Variants in PCDH15 observed in about 807,000 individuals in gnomAD.
The protein encoded by PCDH15 is protocadherin related 15, also known as protocadherin-15.
A neutral mutation model predicts 178.5 loss-of-function variants in PCDH15; 129 were observed. The observed-to-expected ratio is 0.72, with a 90% CI of 0.63 to 0.84. The LOEUF (loss-of-function observed/expected upper bound fraction) is 0.84, where lower values mean the gene tolerates loss of function less well. Among genes scored for constraint, PCDH15 ranks in the 40% least tolerant of loss-of-function variants. The probability of loss-of-function intolerance (pLI) is 0.00; values close to 1 mark genes in which losing one functional copy is unlikely to be tolerated. For missense variants in PCDH15, 2,230 were observed against 2,099.9 expected, an observed-to-expected ratio of 1.06 and a Z score of -1.21; for synonymous variants, 800 against 732.0, an observed-to-expected ratio of 1.09 and a Z score of -1.50.
At chr10:54,098,910 C>G (rs2136130889) in intron 15 of PCDH15, among the ~76,000 whole-genome samples, 1 of 152,190 alleles carries the variant, frequency 6.6e-6, no homozygotes, top group South Asian at 2.1e-4. Context: ...TGATACAGCT[C>G]TTGTCCAGAT....
chr10:54,166,054 A>C (rs1197039918), intron 13 of PCDH15, among the ~76,000 whole-genome samples: 1 of 152,218 alleles, frequency 6.6e-6, no homozygotes, highest in African/African-American at 2.4e-5. Context: ...AAGAAAAGCA[A>C]ATCTTTGAGC....
At chr10:53,991,954 C>T (rs377098019) in intron 21 of PCDH15, among the ~76,000 whole-genome samples, 16 of 152,100 alleles carry the variant, frequency 1.1e-4, no homozygotes, top group Admixed American at 5.2e-4. Context: ...AGCCGCAACC[C>T]GCTCGGGTCC....
At chr10:54,998,667 T>C (rs892633021) in intron 2 of PCDH15, among the ~76,000 whole-genome samples, 2 of 152,176 alleles carry the variant, frequency 1.3e-5, no homozygotes, top group African/African-American at 2.4e-5. Context: ...ATTCTTTTTT[T>C]AATATTGTTA....
chr10:55,084,285 C>T (rs1301892333), intron 2 of PCDH15, among the ~76,000 whole-genome samples: 1 of 151,624 alleles, frequency 6.6e-6, no homozygotes, highest in African/African-American at 2.4e-5. Context: ...ATCCATAAAT[C>T]TCATTTTTGA....
At chr10:55,166,525 T>G (rs1839202363) in intron 2 of PCDH15, 1 of 152,160 alleles carries the variant, frequency 6.6e-6, no homozygotes, top group Non-Finnish European at 1.5e-5. Context: ...TGTATTGTTA[T>G]TCTTCAAAGG....
chr10:53,839,452 G>C, intron 29 of PCDH15, among the ~76,000 whole-genome samples: 1 of 151,906 alleles, frequency 6.6e-6, no homozygotes, highest in African/African-American at 2.4e-5. Flanking sequence ...ATGTGTATAT[G>C]GATATGTTTA....
chr10:55,307,855 T>A (rs1164320863), intron 1 of PCDH15, among the ~76,000 whole-genome samples: 11 of 152,066 alleles, frequency 7.2e-5, no homozygotes, highest in African/African-American at 2.4e-5. Flanking sequence ...ATTGAAATTA[T>A]AATTACAGAA....
In PCDH15 at chr10:54,183,424, T is replaced by G. The variant is rs7093302; in HGVS notation, c.1590+20A>C. ...TAAATAACAGCTTTGAGTGTACACTTATATTATGTGAGTAGTTACCTGTAT... is the reference window on the plus strand; with the variant it reads ...TAAATAACAGCTTTGAGTGTACACTGATATTATGTGAGTAGTTACCTGTAT... On this transcript the variant is annotated intron_variant, in intron 13 of 37. Transcript: ENST00000644397. 6.4e-4 allele frequency: 1,016 copies of G among 1,591,428 alleles called. No homozygotes were observed. Among genetic ancestry groups the G allele is most frequent in the Non-Finnish European group, 8.4e-4 (975 of 1,160,086 alleles).
chr10:54,670,012 C>A (rs973037265), intron 1 of PCDH15, among the ~76,000 whole-genome samples: 110 of 152,088 alleles, frequency 7.2e-4, no homozygotes, highest in African/African-American at 2.6e-3. Flanking sequence ...TGAGATTGCA[C>A]CACTGCACTT....
chr10:53,958,955 G>A (rs2087932282), intron 23 of PCDH15, among the ~76,000 whole-genome samples: 1 of 139,026 alleles, frequency 7.2e-6, no homozygotes, highest in Non-Finnish European at 1.5e-5. Context: ...CTCCAGCCTG[G>A]GCAACAGAGC....
intron 2 of PCDH15, among the ~76,000 whole-genome samples, chr10:55,060,718 T>G (rs1164095383): frequency 6.6e-6 from 1 of 152,000 alleles, no homozygotes; most frequent in Non-Finnish European, 1.5e-5. Context: ...AAAAAACGAT[T>G]TTATATGCTA....
intron 3 of PCDH15, among the ~76,000 whole-genome samples, chr10:54,380,617 C>A (rs1949053137): frequency 2.1e-5 from 2 of 97,468 alleles, no homozygotes; most frequent in African/African-American, 4.4e-5. Context: ...GTAGCAACTG[C>A]AAATCTTCTG....
At chr10:53,808,815 A>G (rs755821551) in intron 37 of PCDH15, 2 of 1,611,116 alleles carry the variant, frequency 1.2e-6, no homozygotes, top group African/African-American at 2.7e-5. Flanking sequence ...TTTCGCTACT[A>G]CTGCTACTAC....
intron 11 of PCDH15, among the ~76,000 whole-genome samples, chr10:54,192,140 GAAAGAAAGAAAGAA>G (rs1262933270): frequency 3.9e-5 from 3 of 76,350 alleles, no homozygotes; most frequent in South Asian, 1.3e-3. Context: ...AAGAGAAAGA[GAAAGAAAGAAAGAA>G]AAAGAAAGAA....
At chr10:54,971,312 A>T (rs183982512) in intron 2 of PCDH15, among the ~76,000 whole-genome samples, 1 of 152,230 alleles carries the variant, frequency 6.6e-6, no homozygotes, top group African/African-American at 2.4e-5. Flanking sequence ...TGGCTGAGGG[A>T]ACTGGATGGG....
intron 1 of PCDH15, among the ~76,000 whole-genome samples, chr10:55,167,511 T>C (rs1839227921): frequency 2.0e-5 from 3 of 152,180 alleles, no homozygotes; most frequent in Non-Finnish European, 4.4e-5. Flanking sequence ...TATTTATGCT[T>C]TGTCAAAGTA....
chr10:54,500,839 A>G (rs1013238659), intron 3 of PCDH15, among the ~76,000 whole-genome samples: 1 of 152,058 alleles, frequency 6.6e-6, no homozygotes, highest in African/African-American at 2.4e-5. Context: ...GAACCAACTC[A>G]AATGCCCATC....
chr10:53,805,871 T>C lies in PCDH15; in HGVS notation c.*708A>G, dbSNP rs1260293323. ...CAAGTGATTAAACTAAACTAAAGTA[T>C]CTACCATATTTGATATGAGATGAAG... On this transcript the variant is annotated 3_prime_UTR_variant, in exon 38 of 38. Coordinates refer to ENST00000644397, the MANE Select transcript of PCDH15 (RefSeq NM_001384140.1). 1 of 152,070 alleles carries C rather than the reference T, an allele frequency of 6.6e-6. No individual in the cohort carries two copies. Among genetic ancestry groups the C allele is most frequent in the African/African-American group, 2.4e-5 (1 of 41,412 alleles). 9.4% of individuals were successfully genotyped at this position (152,070 alleles called of 1,614,324 possible).
chr10:54,855,253 A>C lies in PCDH15; in HGVS notation c.-29+42197T>G, dbSNP rs149273182. ...TGCCTGGTTCTGCAGGTGCAGGAGC[A>C]GGAGACCCAGGTCTGCAGCTATGAT... On this transcript the variant is annotated intron_variant, in intron 3 of 5. Transcript: ENST00000458638. Among the ~76,000 whole-genome samples, 168 of 152,324 alleles carry C rather than the reference A, an allele frequency of 1.1e-3. 1 individual carries two copies. Among genetic ancestry groups the C allele is most frequent in the African/African-American group, 4.0e-3 (165 of 41,580 alleles).
Sources: gnomAD v4.1 joint callset for allele counts (sites outside exome capture counted in the v4.1 genomes callset) on GRCh38, gnomAD v4.1.1 for gene constraint, MANE v1.5 for transcripts, NCBI Gene and HGNC (gene_info 2026-07-23, HGNC 2026-07-21) for gene names.